Variants in CPS1 observed in about 807,000 individuals in gnomAD.
CPS1 encodes the protein carbamoyl-phosphate synthase 1.
Under a neutral mutation model 174.6 loss-of-function variants are expected in CPS1, and 109 were observed. That is an observed-to-expected ratio of 0.62 (90% confidence interval 0.53 to 0.73). The LOEUF is 0.73. CPS1 is among the 30% of genes least tolerant of loss of function. The probability of loss-of-function intolerance (pLI) is 0.00; values close to 1 mark genes in which losing one functional copy is unlikely to be tolerated. For missense variants in CPS1, 1,689 were observed against 1,821.9 expected (o/e 0.93, Z 1.33); for synonymous variants, 637 against 632.0 (o/e 1.01, Z -0.12).
rs771266355 is a variant in CPS1 at position 210,577,489 on chromosome 2, G to A, written c.450G>A (p.Gly150=). 6.2e-7 allele frequency: 1 copy of A among 1,613,602 alleles called. No homozygotes were observed. Among genetic ancestry groups the A allele is most frequent in the Admixed American group, 1.7e-5 (1 of 59,990 alleles). ...YNHWLATKSL[G]QWLQEEKVPA... ...ACTGGCTGGCTACCAAGAGTTTAGG[G>A]CAATGGCTACAGGAAGAAAAGGTAA... The change falls in exon 4 of 38, where the codon GGG becomes GGA. Residue 150 remains glycine (G), a synonymous_variant. Transcript: ENST00000233072.
At chr2:210,536,721 T>C (rs548894764) in intron 1 of CPS1, among the ~76,000 whole-genome samples, 1 of 152,218 alleles carries the variant, frequency 6.6e-6, no homozygotes, top group Non-Finnish European at 1.5e-5. Flanking sequence ...AAATACCAAC[T>C]GTGGATATTT....
chr2:210,523,816 G>T (rs1338296803), intron 1 of CPS1, among the ~76,000 whole-genome samples: 9 of 151,934 alleles, frequency 5.9e-5, no homozygotes, highest in Admixed American at 5.9e-4. Context: ...GGCAGAGATG[G>T]ACTGGAAAAG....
chr2:210,554,010 A>G (rs1484569873), upstream of CPS1, among the ~76,000 whole-genome samples: 1 of 150,672 alleles, frequency 6.6e-6, no homozygotes, highest in African/African-American at 2.4e-5. Context: ...ATTTTCCAAA[A>G]TTTCTGCCTT....
intron 1 of CPS1, among the ~76,000 whole-genome samples, chr2:210,561,324 G>A (rs1409763520): frequency 6.6e-6 from 1 of 152,086 alleles, no homozygotes; most frequent in Non-Finnish European, 1.5e-5. Context: ...CCAGCTTTGG[G>A]TCAGAAGCTA....
intron 13 of CPS1, among the ~76,000 whole-genome samples, chr2:210,596,070 T>C (rs951561846): frequency 1.3e-5 from 2 of 151,820 alleles, no homozygotes; most frequent in African/African-American, 2.4e-5. Context: ...TATCTGTCAC[T>C]GGGGGACACA....
chr2:210,585,026 C>T (rs1382898043), intron 6 of CPS1, among the ~76,000 whole-genome samples: 1 of 152,018 alleles, frequency 6.6e-6, no homozygotes, highest in African/African-American at 2.4e-5. Flanking sequence ...TTCCATGACT[C>T]ATCTCACCTT....
chr2:210,560,606 A>G lies in CPS1; in HGVS notation c.126+3747A>G, dbSNP rs1004772887. ...CAGCTACGAATGAGCACTGGTAGTCATTATTTCTTTTGAAAGGCATTCATT... is the reference window on the plus strand; with the variant it reads ...CAGCTACGAATGAGCACTGGTAGTCGTTATTTCTTTTGAAAGGCATTCATT... On this transcript the variant is annotated intron_variant, in intron 1 of 37. Coordinates refer to ENST00000233072, the MANE Select transcript of CPS1 (RefSeq NM_001875.5). 6.6e-5 allele frequency among the ~76,000 whole-genome samples: 10 copies of G among 152,142 alleles called. 1 individual carries two copies. The highest frequency in any genetic ancestry group is 3.3e-4 in the Admixed American group (5 of 15,272).
intron 1 of CPS1, among the ~76,000 whole-genome samples, chr2:210,549,186 A>G (rs150789312): frequency 2.0e-5 from 3 of 151,984 alleles, no homozygotes; most frequent in Non-Finnish European, 2.9e-5. Flanking sequence ...GCCATAGATA[A>G]CCATCTACCT....
At chr2:210,508,943 C>T (rs1695369297) in intron 1 of CPS1, among the ~76,000 whole-genome samples, 1 of 152,100 alleles carries the variant, frequency 6.6e-6, no homozygotes, top group African/African-American at 2.4e-5. Context: ...CTGAATTCTA[C>T]CAGAGGTACA....
At chr2:210,653,940 T>G (rs1700631129) in intron 28 of CPS1, 85 bp from the exon 29 acceptor site, 28 of 1,067,720 alleles carry the variant, frequency 2.6e-5, no homozygotes. Context: ...CCCTGATACT[T>G]ATAATACTTA....
chr2:210,575,360 G>A (rs936118033), intron 2 of CPS1, among the ~76,000 whole-genome samples: 7 of 151,996 alleles, frequency 4.6e-5, no homozygotes, highest in African/African-American at 1.7e-4. Flanking sequence ...TGCAGAAAGT[G>A]GACATGGAAG....
intron 1 of CPS1, among the ~76,000 whole-genome samples, chr2:210,481,243 A>G (rs536285862): frequency 2.7e-4 from 41 of 152,334 alleles, no homozygotes; most frequent in Non-Finnish European, 5.0e-4. Flanking sequence ...GCTCTTTATC[A>G]AGCAGTGTTA....
At chr2:210,616,596 AGTCTTCTT>A in intron 21 of CPS1, 55 bp downstream of exon 21, 1 of 1,041,424 alleles carries the variant, frequency 9.6e-7, no homozygotes, top group Non-Finnish European at 1.5e-6. Context: ...ATTTTTAAAG[AGTCTTCTT>A]CCTACTCTTA....
intron 21 of CPS1, among the ~76,000 whole-genome samples, chr2:210,634,361 C>A (rs559897237): frequency 6.6e-6 from 1 of 152,102 alleles, no homozygotes; most frequent in African/African-American, 2.4e-5. Context: ...GCCCGGGAGG[C>A]GGAGCTTGCA....
chr2:210,524,487 T>C (rs540127730), intron 1 of CPS1, among the ~76,000 whole-genome samples: 40 of 152,160 alleles, frequency 2.6e-4, no homozygotes, highest in Admixed American at 5.9e-4. Flanking sequence ...AAAGTAGGAC[T>C]ATAATTAAGT....
intron 13 of CPS1, among the ~76,000 whole-genome samples, chr2:210,599,115 C>A (rs1285540834): frequency 6.6e-6 from 1 of 151,764 alleles, no homozygotes; most frequent in African/African-American, 2.4e-5. Context: ...CCAGCTTTGC[C>A]AACAGTGGCA....
At chr2:210,617,104 C>T (rs976369328) in intron 21 of CPS1, among the ~76,000 whole-genome samples, 1 of 151,944 alleles carries the variant, frequency 6.6e-6, no homozygotes, top group African/African-American at 2.4e-5. Flanking sequence ...TTTTTATCTC[C>T]ATCATGGCCA....
upstream of CPS1, among the ~76,000 whole-genome samples, chr2:210,554,152 T>C (rs6760295): frequency 3.8e-4 from 52 of 138,146 alleles, 1 homozygote; most frequent in Admixed American, 1.4e-3. Flanking sequence ...TATGTATATA[T>C]ACACACACAT....
intron 21 of CPS1, among the ~76,000 whole-genome samples, chr2:210,627,791 T>C (rs1287565563): frequency 6.6e-6 from 1 of 152,162 alleles, no homozygotes; most frequent in African/African-American, 2.4e-5. Flanking sequence ...CTGGGCCAAA[T>C]GTAGGTGACT....
Sources: gnomAD v4.1 joint callset for allele counts (sites outside exome capture counted in the v4.1 genomes callset) on GRCh38, gnomAD v4.1.1 for gene constraint, MANE v1.5 for transcripts, NCBI Gene and HGNC (gene_info 2026-07-23, HGNC 2026-07-21) for gene names.